NAALADL2: variants seen among roughly 807,000 people sequenced by gnomAD.
The protein encoded by NAALADL2 is inactive N-acetylated-alpha-linked acidic dipeptidase-like protein 2.
NAALADL2 carries 76 observed loss-of-function variants against 87.2 expected under a neutral mutation model. The ratio of observed to expected loss-of-function variants is 0.87; its 90% CI spans 0.72 to 1.05. The LOEUF (loss-of-function observed/expected upper bound fraction) is 1.05. Among genes scored for constraint, NAALADL2 ranks in the 50% least tolerant of loss-of-function variants. NAALADL2 has a pLI of 0.00. For synonymous variants in NAALADL2, 354 were observed against 331.0 expected, an observed-to-expected ratio of 1.07 and a Z score of -0.75; for missense variants, 1,089 against 945.8, an observed-to-expected ratio of 1.15 and a Z score of -1.99.
chr3:174,526,016 C>G (rs919505376), intron 1 of NAALADL2, among the ~76,000 whole-genome samples: 1 of 152,136 alleles, frequency 6.6e-6, no homozygotes, highest in Non-Finnish European at 1.5e-5. Flanking sequence ...TAAATATAGG[C>G]TAATCTGATC....
intron 2 of NAALADL2, among the ~76,000 whole-genome samples, chr3:174,558,771 G>A (rs1653185073): frequency 6.6e-6 from 1 of 152,072 alleles, no homozygotes; most frequent in South Asian, 2.1e-4. Context: ...CATGGCCTGA[G>A]GGTTGGGGAT....
At chr3:175,113,174 A>T (rs1724493166) in intron 2 of NAALADL2, among the ~76,000 whole-genome samples, 1 of 151,608 alleles carries the variant, frequency 6.6e-6, no homozygotes, top group Admixed American at 6.6e-5. Context: ...GAAAATTATA[A>T]GATCAGACAG....
rs184233688 is a variant in NAALADL2, at chr3:175,378,305, G to A, written c.1090+53980G>A. Among the ~76,000 whole-genome samples, 181 of 152,258 alleles carry A rather than the reference G, an allele frequency of 1.2e-3. 1 individual carries two copies. The highest frequency in any genetic ancestry group is 4.4e-3 in the Admixed American group (67 of 15,294). On this transcript the variant is annotated intron_variant, in intron 5 of 13. Coordinates refer to ENST00000454872, the MANE Select transcript of NAALADL2 (RefSeq NM_207015.3). ...CCTCTGCTCCTGCACTCCAGTTCCC[G>A]CCTCATTCACTCACACACTCCCTCC... is the stretch of plus-strand genomic sequence containing the variant.
intron 11 of NAALADL2, among the ~76,000 whole-genome samples, chr3:175,639,315 A>ATTTTTTTTTTTT (rs1728965438): frequency 1.0e-5 from 1 of 96,208 alleles, no homozygotes; most frequent in Admixed American, 9.2e-5. Flanking sequence ...CAAAAGCGTT[A>ATTTTTTTTTTTT]TTCTTTTTTT....
At chr3:174,944,909 T>C (rs1430859888) in intron 1 of NAALADL2, among the ~76,000 whole-genome samples, 3 of 152,176 alleles carry the variant, frequency 2.0e-5, no homozygotes, top group African/African-American at 7.2e-5. Flanking sequence ...AGTTTCTTTG[T>C]TCTCTGTGGG....
intron 11 of NAALADL2, among the ~76,000 whole-genome samples, chr3:175,708,583 T>G (rs1740067003): frequency 6.6e-6 from 1 of 151,154 alleles, no homozygotes. Context: ...TATTTCTGAC[T>G]GGTAACATGA....
intron 1 of NAALADL2, among the ~76,000 whole-genome samples, chr3:174,973,645 TAG>T (rs1215915984): frequency 2.0e-5 from 3 of 152,216 alleles, no homozygotes; most frequent in Non-Finnish European, 4.4e-5. Flanking sequence ...GCAAACATCA[TAG>T]AGTGTACTTT....
chr3:175,456,930 C>T (rs183749741), intron 6 of NAALADL2, among the ~76,000 whole-genome samples: 23 of 152,118 alleles, frequency 1.5e-4, no homozygotes, highest in African/African-American at 4.6e-4. Flanking sequence ...AGATTCCATA[C>T]CAATTATCTA....
chr3:174,698,249 T>C (rs1210275909), intron 2 of NAALADL2, among the ~76,000 whole-genome samples: 1 of 94,406 alleles, frequency 1.1e-5, no homozygotes, highest in Non-Finnish European at 1.8e-5. Context: ...TGTTTCCATA[T>C]TTTTTTTTAC....
intron 2 of NAALADL2, among the ~76,000 whole-genome samples, chr3:175,098,771 T>G (rs1220109568): frequency 6.6e-6 from 1 of 152,122 alleles, no homozygotes; most frequent in Non-Finnish European, 1.5e-5. Context: ...ATAGAAGAAC[T>G]CTTTAAAACT....
chr3:175,041,003 T>C (rs1196817569), intron 1 of NAALADL2, among the ~76,000 whole-genome samples: 1 of 152,198 alleles, frequency 6.6e-6, no homozygotes, highest in African/African-American at 2.4e-5. Context: ...GCCTTAATTT[T>C]TCTGTCAGCT....
chr3:175,261,250 A>G (rs184444081), intron 4 of NAALADL2, among the ~76,000 whole-genome samples: 26 of 152,264 alleles, frequency 1.7e-4, no homozygotes, highest in Middle Eastern at 6.8e-3. Flanking sequence ...GACCCTCACA[A>G]AATCCCAAAC....
chr3:175,773,450 A>G (rs1583182883), intron 13 of NAALADL2: 1 of 151,942 alleles, frequency 6.6e-6, no homozygotes, highest in Non-Finnish European at 1.5e-5. Context: ...GTTTTCTTCT[A>G]CCTCTCTTAA....
rs1739106580 is a variant in NAALADL2 at position 175,702,337 on chromosome 3, T to C, written c.1897-34969T>C. Among the ~76,000 whole-genome samples the C allele has an allele frequency of 2.0e-5, 3 of 152,156 alleles. 1 individual carries two copies. Among genetic ancestry groups the C allele is most frequent in the Admixed American group, 2.0e-4 (3 of 15,272 alleles). On this transcript the variant is annotated intron_variant, in intron 11 of 13. Coordinates refer to ENST00000454872, the MANE Select transcript of NAALADL2 (RefSeq NM_207015.3). ...TGGTGAATCTGTAATATAAAGTTAA[T>C]GTTATTAACAGGTTCTTCTTCAAAA...
At chr3:174,461,149 G>T (rs529041450) in intron 1 of NAALADL2, among the ~76,000 whole-genome samples, 12 of 152,162 alleles carry the variant, frequency 7.9e-5, no homozygotes, top group African/African-American at 2.9e-4. Context: ...TGTAGGGAAT[G>T]AAATAGTACT....
chr3:174,988,304 A>G (rs1478205320), intron 1 of NAALADL2, among the ~76,000 whole-genome samples: 1 of 152,198 alleles, frequency 6.6e-6, no homozygotes, highest in African/African-American at 2.4e-5. Context: ...TGTACTTCAT[A>G]TACAGTAGAA....
intron 9 of NAALADL2, among the ~76,000 whole-genome samples, chr3:175,542,676 A>T (rs987570272): frequency 1.3e-5 from 2 of 152,124 alleles, no homozygotes; most frequent in Admixed American, 6.5e-5. Flanking sequence ...TTTCAATTTG[A>T]CTTTGATTGC....
intron 2 of NAALADL2, among the ~76,000 whole-genome samples, chr3:175,211,771 A>G (rs946859377): frequency 2.0e-5 from 3 of 152,152 alleles, no homozygotes; most frequent in African/African-American, 7.2e-5. Context: ...ATGTGCAATT[A>G]TATTTCTTAA....
chr3:174,797,089 G>T (rs567990927), intron 3 of NAALADL2, among the ~76,000 whole-genome samples: 4 of 152,014 alleles, frequency 2.6e-5, no homozygotes, highest in African/African-American at 9.6e-5. Flanking sequence ...TATAGTTTCA[G>T]GTCTTACATT....
Sources: allele counts gnomAD v4.1 joint callset (sites outside exome capture counted in the v4.1 genomes callset), GRCh38; gene constraint gnomAD v4.1.1; transcripts MANE v1.5; gene names NCBI Gene and HGNC (gene_info 2026-07-23, HGNC 2026-07-21).